The following SCN2A variants were observed in gnomAD, a reference collection of about 807,000 sequenced individuals.
SCN2A encodes sodium voltage-gated channel alpha subunit 2.
A neutral mutation model predicts 188.7 loss-of-function variants in SCN2A; 20 were observed. That is an observed-to-expected ratio of 0.11 (90% CI 0.07 to 0.15). The LOEUF is 0.15. Among genes scored for constraint, SCN2A ranks in the 10% least tolerant of loss-of-function variants. SCN2A has a pLI of 1.00. For synonymous variants in SCN2A, 804 were observed against 833.1 expected (o/e 0.97, Z 0.60); for missense variants, 1,278 against 2,445.0 (o/e 0.52, Z 10.07).
chr2:165,314,445 T>A (rs1379466851), intron 10 of SCN2A, among the ~76,000 whole-genome samples: 1 of 152,174 alleles, frequency 6.6e-6, no homozygotes, highest in Non-Finnish European at 1.5e-5. Context: ...TGAAGTATTT[T>A]CTTAGGGGAA....
At chr2:165,327,318 G>A in intron 13 of SCN2A, 1 of 291,468 alleles carries the variant, frequency 3.4e-6, no homozygotes, top group Admixed American at 4.7e-5. Context: ...TAAGCCATTT[G>A]GATTATATTA....
intron 25 of SCN2A, among the ~76,000 whole-genome samples, chr2:165,382,415 C>G (rs1701651124): frequency 1.3e-5 from 2 of 151,872 alleles, no homozygotes. Context: ...GAAGATAAAC[C>G]CTTACATACA....
chr2:165,342,550 T>C, intron 15 of SCN2A, 81 bp downstream of exon 15: 1 of 1,414,466 alleles, frequency 7.1e-7, no homozygotes, highest in Non-Finnish European at 1.0e-6. Flanking sequence ...TGGCAAGATT[T>C]CCCATCATTA....
chr2:165,377,557 A>G (rs1467781826), intron 22 of SCN2A, 40 bp from the exon 23 acceptor site: 3 of 1,524,736 alleles, frequency 2.0e-6, no homozygotes, highest in South Asian at 1.1e-5. Flanking sequence ...CTAAAATTAT[A>G]ATTTTGGGAA....
chr2:165,339,355 G>A (rs1032335237), intron 14 of SCN2A, among the ~76,000 whole-genome samples: 2 of 151,412 alleles, frequency 1.3e-5, no homozygotes, highest in African/African-American at 4.9e-5. Context: ...AGACAAATAT[G>A]TCTATTTTTA....
chr2:165,301,729 T>A (rs1202892236), intron 3 of SCN2A, among the ~76,000 whole-genome samples: 1 of 152,184 alleles, frequency 6.6e-6, no homozygotes, highest in Non-Finnish European at 1.5e-5. Flanking sequence ...GAAACTCTCA[T>A]ATTCCTTAAG....
Position 165,319,108 on chromosome 2 carries a change from C to T in SCN2A, c.1671+3350C>T, listed in dbSNP as rs139054568. 7.1e-3 allele frequency among the ~76,000 whole-genome samples: 1,083 copies of T among 152,134 alleles called. 14 individuals are homozygous for T. Among genetic ancestry groups the T allele is most frequent in the African/African-American group, 0.022 (918 of 41,500 alleles). On this transcript the variant is annotated intron_variant, in intron 11 of 26. Transcript: ENST00000375437. ...ATCCCAGCATTTTGGGAGGCCGAGA[C>T]GGGCAGATCATGAGATCAGGAGATG... is the stretch of plus-strand genomic sequence containing the variant.
chr2:165,261,104 T>A (rs1322219412), intron 1 of SCN2A, among the ~76,000 whole-genome samples: 1 of 152,174 alleles, frequency 6.6e-6, no homozygotes, highest in Admixed American at 6.5e-5. Context: ...AGTTGTCATA[T>A]TGTAATGTTT....
chr2:165,284,552 C>A (rs969103793), intron 1 of SCN2A, among the ~76,000 whole-genome samples: 16 of 152,174 alleles, frequency 1.1e-4, no homozygotes, highest in African/African-American at 2.9e-4. Flanking sequence ...TTCAGATCTA[C>A]TGTTCCACTG....
intron 1 of SCN2A, among the ~76,000 whole-genome samples, chr2:165,248,645 C>G (rs887236601): frequency 6.6e-6 from 1 of 151,752 alleles, no homozygotes; most frequent in African/African-American, 2.4e-5. Flanking sequence ...TCTTTCCTTT[C>G]TTTTATTTCC....
At chr2:165,370,510 A>G (rs1455242154) in intron 20 of SCN2A, 1 of 447,644 alleles carries the variant, frequency 2.2e-6, no homozygotes, top group Non-Finnish European at 4.0e-6. Flanking sequence ...CCATCATACT[A>G]TACTTATTCA....
At chr2:165,358,097 A>AG (rs1700271263) in intron 17 of SCN2A, among the ~76,000 whole-genome samples, 1 of 152,230 alleles carries the variant, frequency 6.6e-6, no homozygotes, top group Admixed American at 6.5e-5. Context: ...ATTTTATTCA[A>AG]TGAAAAGTAA....
At chr2:165,346,019 T>G (rs887070760) in intron 16 of SCN2A, among the ~76,000 whole-genome samples, 1 of 152,184 alleles carries the variant, frequency 6.6e-6, no homozygotes, top group African/African-American at 2.4e-5. Flanking sequence ...TTTTCTTTAA[T>G]AATGTTTAAT....
At chr2:165,244,719 G>T (rs1220265880) in intron 1 of SCN2A, among the ~76,000 whole-genome samples, 1 of 152,132 alleles carries the variant, frequency 6.6e-6, no homozygotes, top group African/African-American at 2.4e-5. Context: ...CCCACAAAAA[G>T]TGTTTTGAAT....
chr2:165,313,274 C>T (rs956712809), intron 8 of SCN2A, among the ~76,000 whole-genome samples: 8 of 152,088 alleles, frequency 5.3e-5, no homozygotes, highest in Non-Finnish European at 1.2e-4. Context: ...CACATTTCTG[C>T]CTCAAGACAT....
At chr2:165,311,165 A>C (rs942625988) in intron 7 of SCN2A, among the ~76,000 whole-genome samples, 2 of 101,758 alleles carry the variant, frequency 2.0e-5, no homozygotes, top group Admixed American at 8.9e-5. Flanking sequence ...TTACCAGTTT[A>C]GTTTGATTAT....
At chr2:165,240,694 T>TGA (rs1553554091) in intron 1 of SCN2A, among the ~76,000 whole-genome samples, 6,051 of 150,494 alleles carry the variant, frequency 0.04, 164 homozygotes, top group East Asian at 0.084. Context: ...TGTGTGTGTG[T>TGA]GATGGTGGAG....
At chr2:165,355,784 G>C (rs1454785874) in intron 17 of SCN2A, among the ~76,000 whole-genome samples, 1 of 152,072 alleles carries the variant, frequency 6.6e-6, no homozygotes, top group Non-Finnish European at 1.5e-5. Context: ...GGATCACGAG[G>C]TCAGGAGTTC....
intron 1 of SCN2A, among the ~76,000 whole-genome samples, chr2:165,263,862 G>A (rs539578365): frequency 2.7e-5 from 4 of 148,948 alleles, no homozygotes; most frequent in South Asian, 4.2e-4. Context: ...AATCTCCTTC[G>A]TTAAGTATAT....
Sources: gnomAD v4.1 joint callset for allele counts (sites outside exome capture counted in the v4.1 genomes callset) on GRCh38, gnomAD v4.1.1 for gene constraint, MANE v1.5 for transcripts, NCBI Gene and HGNC (gene_info 2026-07-23, HGNC 2026-07-21) for gene names.